The following LRRIQ1 variants were observed in gnomAD, a reference collection of about 807,000 sequenced individuals.
The protein encoded by LRRIQ1 is leucine-rich repeat- and IQ domain-containing protein 1.
Under a neutral mutation model 211.9 loss-of-function variants are expected in LRRIQ1, and 210 were observed. The observed-to-expected ratio is 0.99, with a 90% CI of 0.89 to 1.11. The LOEUF is 1.11. Among genes scored for constraint, LRRIQ1 ranks in the 50% most tolerant of loss-of-function variants. The pLI is 0.00. For missense variants in LRRIQ1, 2,136 were observed against 1,939.5 expected (o/e 1.10, Z -1.90); for synonymous variants, 699 against 650.1 (o/e 1.08, Z -1.14).
At chr12:85,212,379 G>A (rs934347517) in intron 24 of LRRIQ1, among the ~76,000 whole-genome samples, 4 of 152,182 alleles carry the variant, frequency 2.6e-5, no homozygotes, top group Non-Finnish European at 4.4e-5. Context: ...GGCAAAGAAA[G>A]GCACTATGGG....
chr12:85,079,445 G>A (rs888510628), intron 11 of LRRIQ1, among the ~76,000 whole-genome samples: 3 of 151,202 alleles, frequency 2.0e-5, no homozygotes, highest in Admixed American at 2.0e-4. Flanking sequence ...GACTGGTCTC[G>A]AACTCCTGAC....
At chr12:85,212,814 A>G (rs1893901637) in intron 24 of LRRIQ1, among the ~76,000 whole-genome samples, 1 of 148,300 alleles carries the variant, frequency 6.7e-6, no homozygotes, top group Non-Finnish European at 1.5e-5. Context: ...AGAGAGAGAA[A>G]GAGAGAGAGA....
rs201185864 is a variant in LRRIQ1, at chr12:85,244,771, C to A, written c.5017-18C>A. ...ATTTTGTTTCATGATTGTATACATT[C>A]TCTTCCATTGCTCCCAGGCAAGACT... On this transcript the variant is annotated intron_variant, in intron 26 of 26. Coordinates refer to ENST00000393217, the MANE Select transcript of LRRIQ1 (RefSeq NM_001079910.2). 6 of 1,607,110 alleles carry A rather than the reference C, an allele frequency of 3.7e-6. No homozygotes were observed. The highest frequency in any genetic ancestry group is 5.1e-6 in the Non-Finnish European group (6 of 1,174,578).
At chr12:85,226,290 T>G (rs1894647719) in intron 24 of LRRIQ1, among the ~76,000 whole-genome samples, 1 of 152,152 alleles carries the variant, frequency 6.6e-6, no homozygotes, top group Non-Finnish European at 1.5e-5. Flanking sequence ...ACAAAAGGAT[T>G]CTCTCCATAT....
chr12:85,084,146 A>T (rs1457759539), intron 11 of LRRIQ1, among the ~76,000 whole-genome samples: 1 of 152,206 alleles, frequency 6.6e-6, no homozygotes, highest in Non-Finnish European at 1.5e-5. Context: ...ATCTGCTTAC[A>T]TATAACATTC....
intron 6 of LRRIQ1, chr12:85,047,723 A>G (rs1879800678): frequency 2.8e-6 from 1 of 351,762 alleles, no homozygotes; most frequent in Non-Finnish European, 5.2e-6. Flanking sequence ...AAGGGTCATC[A>G]TGGATAGCCT....
chr12:85,123,472 G>A (rs1251209159), intron 16 of LRRIQ1, among the ~76,000 whole-genome samples: 1 of 151,944 alleles, frequency 6.6e-6, no homozygotes, highest in Non-Finnish European at 1.5e-5. Flanking sequence ...TTCAAATCCA[G>A]CCAACATTAA....
chr12:85,187,724 G>A lies in LRRIQ1; in HGVS notation c.4822+27010G>A, dbSNP rs1008545491. Among the ~76,000 whole-genome samples the A allele has an allele frequency of 4.6e-5, 7 of 150,818 alleles. 1 individual carries two copies. Among genetic ancestry groups the A allele is most frequent in the South Asian group, 2.1e-4 (1 of 4,798 alleles). Reference sequence around the variant, plus strand: ...CCCGGGAGGCTGAGGCAGGAGAATCGCTTGAATCTGGGAGGCGGAGATTGC... The same window carrying A: ...CCCGGGAGGCTGAGGCAGGAGAATCACTTGAATCTGGGAGGCGGAGATTGC... On this transcript the variant is annotated intron_variant, in intron 24 of 26. Transcript: ENST00000393217.
chr12:85,092,528 A>G (rs79973953), intron 11 of LRRIQ1, among the ~76,000 whole-genome samples: 4,171 of 152,266 alleles, frequency 0.027, 187 homozygotes, highest in African/African-American at 0.095. Flanking sequence ...AGACTCTGTA[A>G]GACTGCCAAC....
intron 11 of LRRIQ1, among the ~76,000 whole-genome samples, chr12:85,088,610 C>T (rs1486508728): frequency 6.6e-6 from 1 of 152,132 alleles, no homozygotes; most frequent in Non-Finnish European, 1.5e-5. Context: ...TTTGTGTCCT[C>T]TTTTATTTCG....
At chr12:85,043,962 A>G (rs1201138339) in intron 3 of LRRIQ1, among the ~76,000 whole-genome samples, 1 of 152,160 alleles carries the variant, frequency 6.6e-6, no homozygotes, top group African/African-American at 2.4e-5. Flanking sequence ...ATATTTATGG[A>G]CATAAACTAA....
chr12:85,192,588 ACT>A, intron 24 of LRRIQ1, among the ~76,000 whole-genome samples: 2 of 115,808 alleles, frequency 1.7e-5, no homozygotes, highest in Non-Finnish European at 3.2e-5. Flanking sequence ...ATAGTTATAT[ACT>A]ATAATTGTGT....
At chr12:85,183,278 C>G (rs889988148) in intron 24 of LRRIQ1, among the ~76,000 whole-genome samples, 1 of 152,044 alleles carries the variant, frequency 6.6e-6, no homozygotes, top group Non-Finnish European at 1.5e-5. Context: ...TTAAGCAGTA[C>G]TTTGGATTAA....
At chr12:85,261,944 CCA>C (rs1896309638) in intron 1 of LRRIQ1, among the ~76,000 whole-genome samples, 1 of 152,122 alleles carries the variant, frequency 6.6e-6, no homozygotes, top group Non-Finnish European at 1.5e-5. Context: ...GCATGCGCCA[CCA>C]CGCCCGGCTA....
At chr12:85,225,648 T>C (rs1252014256) in intron 24 of LRRIQ1, among the ~76,000 whole-genome samples, 2 of 152,122 alleles carry the variant, frequency 1.3e-5, no homozygotes, top group African/African-American at 2.4e-5. Context: ...ATATAGGGAA[T>C]TGATGATGCA....
chr12:85,150,661 G>A (rs1262297008), intron 19 of LRRIQ1, among the ~76,000 whole-genome samples: 1 of 151,602 alleles, frequency 6.6e-6, no homozygotes, highest in African/African-American at 2.4e-5. Context: ...TTGAACTGTA[G>A]CCATTGTTTC....
At chr12:85,063,125 A>AT (rs993219577) in intron 8 of LRRIQ1, among the ~76,000 whole-genome samples, 2 of 150,840 alleles carry the variant, frequency 1.3e-5, no homozygotes, top group African/African-American at 4.9e-5. Context: ...TAGTCTACAG[A>AT]TTTTTTTTCC....
intron 24 of LRRIQ1, among the ~76,000 whole-genome samples, chr12:85,227,399 A>G (rs868301158): frequency 5.9e-5 from 9 of 152,106 alleles, no homozygotes; most frequent in African/African-American, 1.9e-4. Flanking sequence ...AGTATTAGGT[A>G]GATTTGCATT....
rs1891398726 is a variant in LRRIQ1 at position 85,171,190 on chromosome 12, T to C, written c.4822+10476T>C. On this transcript the variant is annotated intron_variant, in intron 24 of 26. Coordinates refer to ENST00000393217, the MANE Select transcript of LRRIQ1 (RefSeq NM_001079910.2). ...ATTAAACCTATAAAAATATCCAAAT[T>C]GAAAGTTTATAACTTAAAACCACGA... Among the ~76,000 whole-genome samples, 3 of 152,108 alleles carry C rather than the reference T, an allele frequency of 2.0e-5. No homozygotes were observed. The South Asian group carries it at 6.2e-4, about 31-fold the overall frequency.
Sources: allele counts gnomAD v4.1 joint callset (sites outside exome capture counted in the v4.1 genomes callset), GRCh38; gene constraint gnomAD v4.1.1; transcripts MANE v1.5; gene names NCBI Gene and HGNC (gene_info 2026-07-23, HGNC 2026-07-21).